ARHGAP44: variants seen among roughly 807,000 people sequenced by gnomAD.
ARHGAP44 encodes rho GTPase-activating protein 44.
Under a neutral mutation model 106.8 loss-of-function variants are expected in ARHGAP44, and 43 were observed. The ratio of observed to expected loss-of-function variants is 0.40; its 90% CI spans 0.32 to 0.52. ARHGAP44 has a LOEUF of 0.52. ARHGAP44 is among the 20% of genes least tolerant of loss of function. The pLI, the probability that ARHGAP44 is intolerant of heterozygous loss-of-function variation, is 0.48. For synonymous variants in ARHGAP44, 439 were observed against 410.3 expected, an observed-to-expected ratio of 1.07 and a Z score of -0.85; for missense variants, 866 against 1,050.5, an observed-to-expected ratio of 0.82 and a Z score of 2.43.
At chr17:12,859,681 C>G (rs1365487777) in intron 1 of ARHGAP44, among the ~76,000 whole-genome samples, 1 of 152,168 alleles carries the variant, frequency 6.6e-6, no homozygotes, top group African/African-American at 2.4e-5. Flanking sequence ...TTGTTTGGAG[C>G]AGGTATAATA....
At chr17:12,973,865 G>C (rs952890068) in intron 17 of ARHGAP44, 1 of 587,016 alleles carries the variant, frequency 1.7e-6, no homozygotes, top group African/African-American at 1.9e-5. Flanking sequence ...CTCAGTGAGG[G>C]GGCCGCTCTT....
chr17:12,960,081 T>C (rs9303067), intron 16 of ARHGAP44, among the ~76,000 whole-genome samples: 91,926 of 151,966 alleles, frequency 0.6, 29,143 homozygotes, highest in East Asian at 0.78. Context: ...ACGGTCAAGC[T>C]TTCACAATGG....
chr17:12,846,119 G>T (rs141027561), intron 1 of ARHGAP44, among the ~76,000 whole-genome samples: 41 of 151,738 alleles, frequency 2.7e-4, no homozygotes, highest in African/African-American at 8.2e-4. Context: ...AATACAGCTG[G>T]CAAATGGATA....
intron 1 of ARHGAP44, among the ~76,000 whole-genome samples, chr17:12,835,445 A>G (rs1026052953): frequency 3.3e-5 from 5 of 152,192 alleles, no homozygotes; most frequent in Admixed American, 3.3e-4. Flanking sequence ...AAAAGTTGGT[A>G]AATAAAAAGG....
chr17:12,946,914 T>TCC (rs2038866464), intron 10 of ARHGAP44, among the ~76,000 whole-genome samples: 1 of 152,166 alleles, frequency 6.6e-6, no homozygotes, highest in Non-Finnish European at 1.5e-5. Context: ...ATCTCCCAGC[T>TCC]CCCGTCTCTG....
chr17:12,976,994 T>G (rs1299545670), intron 18 of ARHGAP44, among the ~76,000 whole-genome samples: 1 of 152,060 alleles, frequency 6.6e-6, no homozygotes, highest in Middle Eastern at 3.4e-3. Flanking sequence ...GTATTTGGCA[T>G]ATAAATGATA....
At chr17:12,971,694 T>C (rs2039531276) in intron 16 of ARHGAP44, among the ~76,000 whole-genome samples, 1 of 152,164 alleles carries the variant, frequency 6.6e-6, no homozygotes, top group Non-Finnish European at 1.5e-5. Flanking sequence ...TGTTTGTTTA[T>C]TGGTAGAAGG....
chr17:12,964,095 A>G (rs1444429618), intron 16 of ARHGAP44, among the ~76,000 whole-genome samples: 1 of 152,190 alleles, frequency 6.6e-6, no homozygotes, highest in Non-Finnish European at 1.5e-5. Context: ...TGTTTTCTGT[A>G]CTTTTTAAGC....
intron 1 of ARHGAP44, among the ~76,000 whole-genome samples, chr17:12,794,149 C>T (rs1037898250): frequency 1.3e-5 from 2 of 151,992 alleles, no homozygotes; most frequent in Non-Finnish European, 2.9e-5. Context: ...AGAAGCATAC[C>T]GAAAGGCATA....
In ARHGAP44 at chr17:12,956,754, A is replaced by T. The variant is rs2143154011; in HGVS notation, c.1342+8A>T. ...ACTGGTTCTTCCCTGGGGGTAGGTG[A>T]CAGCACCTAGGTGTGGGGGCAAGAG... is the stretch of plus-strand genomic sequence containing the variant. On this transcript the variant is annotated splice_region_variant and intron_variant, in intron 15 of 20. Transcript: ENST00000379672. 1 of 1,612,384 alleles carries T rather than the reference A, an allele frequency of 6.2e-7. No homozygotes were observed.
chr17:12,905,340 T>G (rs1172908260), intron 3 of ARHGAP44, among the ~76,000 whole-genome samples: 3 of 152,208 alleles, frequency 2.0e-5, no homozygotes, highest in Admixed American at 2.0e-4. Context: ...GTCAAAATCA[T>G]TAGTGCAGGT....
intron 1 of ARHGAP44, among the ~76,000 whole-genome samples, chr17:12,821,375 T>C (rs961461876): frequency 6.6e-6 from 1 of 152,160 alleles, no homozygotes; most frequent in African/African-American, 2.4e-5. Context: ...GGTCAGAAGG[T>C]TATTCACAAA....
intron 16 of ARHGAP44, among the ~76,000 whole-genome samples, chr17:12,960,583 G>GAA (rs2039238195): frequency 1.6e-5 from 2 of 126,982 alleles, no homozygotes; most frequent in Admixed American, 1.6e-4. Context: ...AAAAAAGAAA[G>GAA]AGAGTCTCGC....
intron 19 of ARHGAP44, among the ~76,000 whole-genome samples, chr17:12,983,684 A>G (rs1320022116): frequency 1.3e-5 from 2 of 151,396 alleles, no homozygotes; most frequent in East Asian, 3.9e-4. Flanking sequence ...GGCGCCTGTA[A>G]TCCCAGCTAC....
intron 1 of ARHGAP44, among the ~76,000 whole-genome samples, chr17:12,839,638 A>G (rs2150826639): frequency 6.6e-6 from 1 of 152,292 alleles, no homozygotes; most frequent in South Asian, 2.1e-4. Context: ...GGAAATCTGC[A>G]AAGATTTAGT....
intron 1 of ARHGAP44, among the ~76,000 whole-genome samples, chr17:12,841,388 C>T (rs1416338353): frequency 6.6e-6 from 1 of 151,988 alleles, no homozygotes. Flanking sequence ...TGCTTGAGCT[C>T]AGGAGTCCGA....
Position 12,921,320 on chromosome 17 carries a change from G to C in ARHGAP44, c.464+1489G>C, listed in dbSNP as rs1010498754. Reference sequence around the variant, plus strand: ...GACTTCAAGTGATCTGCCCACCTCAGCCTCCCAAAGTGCTGGGAAATTTTT... The same window carrying C: ...GACTTCAAGTGATCTGCCCACCTCACCCTCCCAAAGTGCTGGGAAATTTTT... On this transcript the variant is annotated intron_variant, in intron 6 of 20. Transcript: ENST00000379672. 2.0e-5 allele frequency among the ~76,000 whole-genome samples: 3 copies of C among 151,976 alleles called. No individual in the cohort carries two copies. The East Asian group carries it at 5.8e-4, about 29-fold the overall frequency.
intron 1 of ARHGAP44, among the ~76,000 whole-genome samples, chr17:12,822,390 G>A (rs1597891383): frequency 1.3e-5 from 2 of 152,272 alleles, no homozygotes; most frequent in South Asian, 2.1e-4. Flanking sequence ...GTTATAGTTT[G>A]CTGCCCCCTG....
At chr17:12,849,568 CTTTTTTT>C (rs776346185) in intron 1 of ARHGAP44, among the ~76,000 whole-genome samples, 2 of 69,966 alleles carry the variant, frequency 2.9e-5, no homozygotes, top group African/African-American at 8.9e-5. Flanking sequence ...TACTTTTGTC[CTTTTTTT>C]TTTTTTTTTT....
Sources: allele counts gnomAD v4.1 joint callset (sites outside exome capture counted in the v4.1 genomes callset), GRCh38; gene constraint gnomAD v4.1.1; transcripts MANE v1.5; gene names NCBI Gene and HGNC (gene_info 2026-07-23, HGNC 2026-07-21).